The following CRIM1 variants were observed in gnomAD, a reference collection of about 807,000 sequenced individuals.
The protein encoded by CRIM1 is cysteine rich transmembrane BMP regulator 1.
Under a neutral mutation model 116.4 loss-of-function variants are expected in CRIM1, and 32 were observed. The ratio of observed to expected loss-of-function variants is 0.27; its 90% CI spans 0.21 to 0.37. CRIM1 has a LOEUF of 0.37. Among genes scored for constraint, CRIM1 ranks in the 10% least tolerant of loss-of-function variants. The pLI, the probability that CRIM1 is intolerant of heterozygous loss-of-function variation, is 1.00. For missense variants in CRIM1, 1,331 were observed against 1,354.8 expected (o/e 0.98, Z 0.28); for synonymous variants, 590 against 509.2 (o/e 1.16, Z -2.13).
intron 2 of CRIM1, among the ~76,000 whole-genome samples, chr2:36,407,132 A>G (rs1476846882): frequency 6.6e-6 from 1 of 152,204 alleles, no homozygotes; most frequent in Non-Finnish European, 1.5e-5. Flanking sequence ...CAGTAAGACC[A>G]TTATGCAACT....
intron 1 of CRIM1, among the ~76,000 whole-genome samples, chr2:36,371,077 G>A (rs556127644): frequency 4.6e-5 from 7 of 152,270 alleles, no homozygotes; most frequent in African/African-American, 1.7e-4. Flanking sequence ...TGCAACCAAA[G>A]ACTTGGCCAG....
At chr2:36,375,853 G>T (rs1437106148) in intron 1 of CRIM1, among the ~76,000 whole-genome samples, 6 of 152,222 alleles carry the variant, frequency 3.9e-5, no homozygotes, top group Non-Finnish European at 8.8e-5. Flanking sequence ...TTGTGTATTT[G>T]TAGAGTTTTA....
Position 36,364,950 on chromosome 2 carries a change from CTT to C in CRIM1, c.331+8329_331+8330del, listed in dbSNP as rs559614349. On this transcript the variant is annotated intron_variant, in intron 1 of 16. Coordinates refer to ENST00000280527, the MANE Select transcript of CRIM1 (RefSeq NM_016441.3). ...ATTTTCTATCCTTTCCCATTTTCCT[CTT>C]TGTTAGCTTTCTCTGTAAGTTTAAA... Among the ~76,000 whole-genome samples the C allele has an allele frequency of 1.5e-4, 23 of 152,112 alleles. No individual in the cohort carries two copies. The East Asian group carries it at 4.2e-3, about 28-fold the overall frequency.
At chr2:36,369,172 C>T (rs1669786767) in intron 1 of CRIM1, 1 of 152,206 alleles carries the variant, frequency 6.6e-6, no homozygotes, top group Non-Finnish European at 1.5e-5. Context: ...AATCTGCATG[C>T]CAAGGGCCCA....
At chr2:36,389,241 C>A (rs887467710) in intron 1 of CRIM1, among the ~76,000 whole-genome samples, 1 of 152,200 alleles carries the variant, frequency 6.6e-6, no homozygotes, top group African/African-American at 2.4e-5. Flanking sequence ...GCTTTGGGAA[C>A]ATAGGCCTTA....
intron 1 of CRIM1, 29 bp from the exon 2 acceptor site, chr2:36,396,585 A>G: frequency 6.6e-7 from 1 of 1,506,548 alleles, no homozygotes; most frequent in Non-Finnish European, 9.0e-7. Context: ...CTGCAAACAC[A>G]CATTATCTGG....
At chr2:36,511,352 T>A (rs916243691) in intron 9 of CRIM1, among the ~76,000 whole-genome samples, 1 of 152,246 alleles carries the variant, frequency 6.6e-6, no homozygotes, top group Non-Finnish European at 1.5e-5. Context: ...GTCGTCTTTA[T>A]AATTTTCATT....
At chr2:36,522,357 A>C (rs759614027) in intron 13 of CRIM1, 44 bp downstream of exon 13, 66 of 1,448,138 alleles carry the variant, frequency 4.6e-5, no homozygotes, top group African/African-American at 7.0e-5. Context: ...ACCAGTTGTC[A>C]CTAAATCTGT....
At position 36,517,400 on chromosome 2, in the gene CRIM1, GGAA is replaced by G. The variant is rs1558392752; in HGVS notation, c.2066_2068del (p.Glu689del). On this transcript the variant is annotated inframe_deletion, in exon 12 of 17. Coordinates refer to ENST00000280527, the MANE Select transcript of CRIM1 (RefSeq NM_016441.3). ...ACGCCCCTGGAGGAGAATACTTTGT[GGAA>G]GGAGAAACGTGGAACATTGACTCCT... 2 of 1,614,214 alleles carry G rather than the reference GGAA, an allele frequency of 1.2e-6. No homozygotes were observed. The highest frequency in any genetic ancestry group is 2.2e-5 in the South Asian group (2 of 91,078).
At chr2:36,501,335 T>C (rs533502255) in intron 8 of CRIM1, among the ~76,000 whole-genome samples, 225 of 152,316 alleles carry the variant, frequency 1.5e-3, no homozygotes, top group African/African-American at 5.2e-3. Context: ...TTGAAGAAGA[T>C]ACAAAATAGG....
chr2:36,445,675 T>C (rs372966659), intron 4 of CRIM1, among the ~76,000 whole-genome samples: 1 of 152,298 alleles, frequency 6.6e-6, no homozygotes, highest in African/African-American at 2.4e-5. Context: ...CTTAGACCCA[T>C]TCAGCCTAGT....
At chr2:36,517,206 A>G in intron 11 of CRIM1, 121 bp from the exon 12 acceptor site, 1 of 722,970 alleles carries the variant, frequency 1.4e-6, no homozygotes. Flanking sequence ...CTTAATAAGA[A>G]TAGAGCGAGA....
At chr2:36,447,679 A>C (rs1676356120) in intron 4 of CRIM1, among the ~76,000 whole-genome samples, 1 of 152,220 alleles carries the variant, frequency 6.6e-6, no homozygotes. Context: ...AGGAAGTCCC[A>C]GGTCAAGCCC....
chr2:36,409,009 A>T, intron 2 of CRIM1, among the ~76,000 whole-genome samples: 1 of 75,190 alleles, frequency 1.3e-5, no homozygotes, highest in South Asian at 7.0e-4. Context: ...AGATCCTCAG[A>T]GGGGAAAAAA....
chr2:36,381,344 G>T (rs1367370974), intron 1 of CRIM1, among the ~76,000 whole-genome samples: 1 of 152,248 alleles, frequency 6.6e-6, no homozygotes, highest in Admixed American at 6.5e-5. Flanking sequence ...CCACACTGGG[G>T]GCGGGGCTGG....
rs781425552 is a variant in CRIM1 at position 36,499,296 on chromosome 2, A to C, written c.1450A>C (p.Asn484His). The change falls in exon 8 of 17, where the codon AAT becomes CAT. Residue 484 changes from asparagine to histidine, a missense_variant. Coordinates refer to ENST00000280527, the MANE Select transcript of CRIM1 (RefSeq NM_016441.3). Reference sequence around the variant, plus strand: ...CACTCTGACAGGGAAGGACTGCATTAATGGTTTCAAACGCGATCACAATGG... The same window carrying C: ...CACTCTGACAGGGAAGGACTGCATTCATGGTTTCAAACGCGATCACAATGG... ...NCTLTGKDCI[N>H]GFKRDHNGCR... 2 of 1,614,072 alleles carry C rather than the reference A, an allele frequency of 1.2e-6. No homozygotes were observed. The highest frequency in any genetic ancestry group is 1.7e-6 in the Non-Finnish European group (2 of 1,179,940).
chr2:36,524,848 A>T (rs1288379611), intron 13 of CRIM1, among the ~76,000 whole-genome samples: 2 of 152,070 alleles, frequency 1.3e-5, no homozygotes, highest in African/African-American at 4.8e-5. Flanking sequence ...TTTCTATTCC[A>T]ATTCCTGCAT....
chr2:36,511,058 C>T (rs1664639994), intron 9 of CRIM1, among the ~76,000 whole-genome samples: 1 of 151,992 alleles, frequency 6.6e-6, no homozygotes, highest in Non-Finnish European at 1.5e-5. Context: ...GCCTCAGCCT[C>T]AGCCTCCCGA....
At chr2:36,452,042 G>C (rs1676772796) in intron 4 of CRIM1, among the ~76,000 whole-genome samples, 1 of 151,832 alleles carries the variant, frequency 6.6e-6, no homozygotes, top group South Asian at 2.1e-4. Flanking sequence ...ATCTAATTAA[G>C]AGTGTTGTAA....
Sources: allele counts gnomAD v4.1 joint callset (sites outside exome capture counted in the v4.1 genomes callset), GRCh38; gene constraint gnomAD v4.1.1; transcripts MANE v1.5; gene names NCBI Gene and HGNC (gene_info 2026-07-23, HGNC 2026-07-21).